GSTCD: variants seen among roughly 807,000 people sequenced by gnomAD.
The protein encoded by GSTCD is glutathione S-transferase C-terminal domain-containing protein.
GSTCD carries 44 observed loss-of-function variants against 68.3 expected under a neutral mutation model. The observed-to-expected ratio is 0.64, with a 90% CI of 0.51 to 0.83. The LOEUF (loss-of-function observed/expected upper bound fraction) is 0.83. Among genes scored for constraint, GSTCD ranks in the 40% least tolerant of loss-of-function variants. The pLI, the probability that GSTCD is intolerant of heterozygous loss-of-function variation, is 0.00. For missense variants in GSTCD, 739 were observed against 735.9 expected (o/e 1.00, Z -0.05); for synonymous variants, 273 against 255.2 (o/e 1.07, Z -0.67).
chr4:105,807,896 G>T (rs139802759), intron 5 of GSTCD, among the ~76,000 whole-genome samples: 2 of 152,064 alleles, frequency 1.3e-5, no homozygotes, highest in African/African-American at 4.8e-5. Flanking sequence ...TTTAGCATCC[G>T]TTGATGATTT....
chr4:105,830,892 A>G (rs1342976315), intron 8 of GSTCD, among the ~76,000 whole-genome samples: 1 of 152,176 alleles, frequency 6.6e-6, no homozygotes, highest in Non-Finnish European at 1.5e-5. Context: ...AATGTGCAAA[A>G]AAAAGGCCAA....
At chr4:105,793,556 T>C (rs1274209614) in intron 5 of GSTCD, among the ~76,000 whole-genome samples, 1 of 151,954 alleles carries the variant, frequency 6.6e-6, no homozygotes, top group African/African-American at 2.4e-5. Context: ...TTGAATTGAA[T>C]TGAAAAAAAT....
At chr4:105,746,509 G>A (rs1307144883) in intron 5 of GSTCD, 3 of 152,156 alleles carry the variant, frequency 2.0e-5, no homozygotes, top group African/African-American at 7.2e-5. Context: ...TTTAAAGCTA[G>A]CAGATGACAT....
chr4:105,768,220 C>T (rs893230398), intron 5 of GSTCD, among the ~76,000 whole-genome samples: 7 of 151,782 alleles, frequency 4.6e-5, no homozygotes, highest in Admixed American at 6.6e-5. Context: ...TTAGTAGAGA[C>T]GGGGTTTCAC....
intron 8 of GSTCD, among the ~76,000 whole-genome samples, chr4:105,833,035 G>A (rs1008481719): frequency 5.9e-5 from 9 of 152,180 alleles, no homozygotes; most frequent in Non-Finnish European, 1.3e-4. Context: ...ACTTCTATGT[G>A]GCTCATGTAA....
At chr4:105,725,729 G>C (rs72671853) in intron 3 of GSTCD, among the ~76,000 whole-genome samples, 1 of 151,862 alleles carries the variant, frequency 6.6e-6, no homozygotes, top group African/African-American at 2.4e-5. Context: ...TCATAAAAAC[G>C]TATAAGACAC....
At position 105,775,149 on chromosome 4, in the gene GSTCD, A is replaced by G. The variant is rs907232878; in HGVS notation, c.1240+45650A>G. 2.0e-5 allele frequency among the ~76,000 whole-genome samples: 3 copies of G among 151,990 alleles called. No individual in the cohort carries two copies. In the East Asian group the frequency reaches 5.8e-4, roughly 29 times the overall value. ...TCCTTTCTTCTTGATTGATTAGGCTATTGATACTTTTTTATGCGTCACAAA... is the reference window on the plus strand; with the variant it reads ...TCCTTTCTTCTTGATTGATTAGGCTGTTGATACTTTTTTATGCGTCACAAA... On this transcript the variant is annotated intron_variant, in intron 5 of 11. Transcript: ENST00000515279.
intron 1 of GSTCD, among the ~76,000 whole-genome samples, chr4:105,711,370 T>C (rs1035873526): frequency 6.6e-6 from 1 of 152,264 alleles, no homozygotes; most frequent in African/African-American, 2.4e-5. Context: ...TACCATTTCA[T>C]GATTCCCTGG....
chr4:105,772,011 T>C (rs964468439), intron 5 of GSTCD, among the ~76,000 whole-genome samples: 1 of 152,216 alleles, frequency 6.6e-6, no homozygotes, highest in African/African-American at 2.4e-5. Context: ...GAGCATGGAA[T>C]GTTTTTCCAT....
At chr4:105,784,960 T>C (rs1735408793) in intron 5 of GSTCD, among the ~76,000 whole-genome samples, 1 of 152,178 alleles carries the variant, frequency 6.6e-6, no homozygotes, top group Non-Finnish European at 1.5e-5. Flanking sequence ...GAAAGTAGCC[T>C]TTATTCCAAG....
intron 5 of GSTCD, among the ~76,000 whole-genome samples, chr4:105,784,646 T>G (rs1308360791): frequency 2.0e-5 from 3 of 152,244 alleles, no homozygotes; most frequent in African/African-American, 7.2e-5. Context: ...CACCCATAAT[T>G]TATTCTACAT....
intron 5 of GSTCD, among the ~76,000 whole-genome samples, chr4:105,817,175 G>T (rs1723034928): frequency 6.6e-6 from 1 of 151,768 alleles, no homozygotes; most frequent in Admixed American, 6.6e-5. Context: ...GCTCATTAAG[G>T]ATAGAAACTA....
intron 3 of GSTCD, among the ~76,000 whole-genome samples, chr4:105,721,520 T>G (rs1411381292): frequency 6.6e-6 from 1 of 152,048 alleles, no homozygotes; most frequent in Non-Finnish European, 1.5e-5. Flanking sequence ...TAAGAGTCAA[T>G]TTTGCTAAAT....
intron 8 of GSTCD, among the ~76,000 whole-genome samples, chr4:105,829,440 A>G (rs1723806307): frequency 6.6e-6 from 1 of 152,194 alleles, no homozygotes; most frequent in Non-Finnish European, 1.5e-5. Context: ...GGTAATTTAT[A>G]AAGAAAAGAG....
rs147001097 is a variant in GSTCD at position 105,730,191 on chromosome 4, C to T, written c.1240+692C>T. ...AAGTCTTTGCTATTGTGAATAGTGC[C>T]GCAATGAACATACATGTGCTTGTGT... On this transcript the variant is annotated intron_variant, in intron 5 of 11. Transcript: ENST00000515279. 8.5e-3 allele frequency among the ~76,000 whole-genome samples: 1,297 copies of T among 152,208 alleles called. 17 individuals carry two copies. Among genetic ancestry groups the T allele is most frequent in the African/African-American group, 0.029 (1,200 of 41,510 alleles).
intron 5 of GSTCD, among the ~76,000 whole-genome samples, chr4:105,775,019 C>A (rs985816010): frequency 6.6e-6 from 1 of 152,110 alleles, no homozygotes; most frequent in Non-Finnish European, 1.5e-5. Flanking sequence ...CGTCTTTTTA[C>A]ATAGTCCCAT....
chr4:105,724,603 A>C (rs1197294776), intron 3 of GSTCD, among the ~76,000 whole-genome samples: 3 of 150,442 alleles, frequency 2.0e-5, no homozygotes, highest in Middle Eastern at 6.8e-3. Context: ...TAGTTCACAC[A>C]TACAGAGAAG....
chr4:105,758,965 T>A (rs930867894), intron 5 of GSTCD, among the ~76,000 whole-genome samples: 1 of 152,222 alleles, frequency 6.6e-6, no homozygotes, highest in African/African-American at 2.4e-5. Context: ...TCATTTTTTG[T>A]CAATTTGAAT....
intron 5 of GSTCD, among the ~76,000 whole-genome samples, chr4:105,807,521 T>C (rs1267485431): frequency 6.6e-6 from 1 of 152,120 alleles, no homozygotes; most frequent in African/African-American, 2.4e-5. Context: ...ATTTGTTTTG[T>C]CTTTCTTAAC....
Sources: gnomAD v4.1 joint callset for allele counts (sites outside exome capture counted in the v4.1 genomes callset) on GRCh38, gnomAD v4.1.1 for gene constraint, MANE v1.5 for transcripts, NCBI Gene and HGNC (gene_info 2026-07-23, HGNC 2026-07-21) for gene names.